PJA2: variants seen among roughly 807,000 people sequenced by gnomAD.
PJA2 encodes E3 ubiquitin-protein ligase Praja-2.
A neutral mutation model predicts 69.3 loss-of-function variants in PJA2; 25 were observed. The observed-to-expected ratio is 0.36, with a 90% CI of 0.26 to 0.50. PJA2 has a LOEUF of 0.50. Among genes scored for constraint, PJA2 ranks in the 20% least tolerant of loss-of-function variants. The probability of loss-of-function intolerance (pLI) is 0.96; values close to 1 mark genes in which losing one functional copy is unlikely to be tolerated. For synonymous variants in PJA2, 308 were observed against 277.8 expected (o/e 1.11, Z -1.08); for missense variants, 809 against 830.2 (o/e 0.97, Z 0.31).
intron 5 of PJA2, among the ~76,000 whole-genome samples, chr5:109,365,457 G>A (rs1454776240): frequency 2.0e-5 from 3 of 152,084 alleles, no homozygotes; most frequent in Admixed American, 6.6e-5. Flanking sequence ...GAAATGGAAC[G>A]TGTACACATA....
At chr5:109,360,806 A>T (rs541470917) in intron 6 of PJA2, among the ~76,000 whole-genome samples, 2 of 152,220 alleles carry the variant, frequency 1.3e-5, no homozygotes, top group Non-Finnish European at 2.9e-5. Context: ...TAGAACCTAA[A>T]GTAACAGTTT....
At chr5:109,406,039 CAT>C (rs1491569891) in intron 1 of PJA2, among the ~76,000 whole-genome samples, 1 of 135,952 alleles carries the variant, frequency 7.4e-6, no homozygotes, top group African/African-American at 2.8e-5. Flanking sequence ...AAGACAAACC[CAT>C]TTTTTTTTTT....
intron 9 of PJA2, among the ~76,000 whole-genome samples, chr5:109,341,045 C>T (rs1385256908): frequency 6.9e-6 from 1 of 145,472 alleles, no homozygotes; most frequent in Non-Finnish European, 1.5e-5. Context: ...AGATTGCAGC[C>T]TCTGCCCGGC....
intron 6 of PJA2, among the ~76,000 whole-genome samples, chr5:109,358,500 G>T (rs1378693758): frequency 6.6e-6 from 1 of 152,194 alleles, no homozygotes; most frequent in Non-Finnish European, 1.5e-5. Flanking sequence ...ATTTCTGTGT[G>T]TGTGTCTTTA....
Position 109,398,976 on chromosome 5 carries a change from C to T in PJA2, c.-88+10866G>A, listed in dbSNP as rs187403951. Among the ~76,000 whole-genome samples, 16 of 152,104 alleles carry T rather than the reference C, an allele frequency of 1.1e-4. No individual in the cohort carries two copies. In the East Asian group the frequency reaches 3.1e-3, roughly 29 times the overall value. The stretch of plus-strand genomic sequence containing the variant: ...CTTGTAATCCCAGCACTTTGGGAGG[C>T]CAAGGTGGGAGGATCACCTGAGGTC... On this transcript the variant is annotated intron_variant, in intron 1 of 9. Coordinates refer to ENST00000361189, the MANE Select transcript of PJA2 (RefSeq NM_014819.5).
At position 109,354,405 on chromosome 5, in the gene PJA2, A is replaced by G. The variant is rs371360471; in HGVS notation, c.1764+1510T>C. ...TTAGATATCTCTGATATCTAGAGAT[A>G]TCTATAGATTAGATATCTATGATAT... On this transcript the variant is annotated intron_variant, in intron 7 of 9. Transcript: ENST00000361189. 1.3e-4 allele frequency among the ~76,000 whole-genome samples: 18 copies of G among 140,890 alleles called. 1 individual carries two copies. The East Asian group carries it at 2.2e-3, about 17-fold the overall frequency. The allele number at this position is 140,890 out of a possible 152,430, so 92.4% of individuals were successfully genotyped here.
intron 1 of PJA2, among the ~76,000 whole-genome samples, chr5:109,397,968 A>T (rs1747456532): frequency 6.6e-6 from 1 of 152,244 alleles, no homozygotes. Flanking sequence ...AGAAAAAAAC[A>T]ACCCCATCAA....
Position 109,381,508 on chromosome 5 carries a change from G to T in PJA2, c.227C>A (p.Ser76Tyr). ...AATAATTAAATGTTACACACCTGAG[G>T]AATTTTCCTTTGGAACATCATCTAG... ...LELDDVPKEN[S>Y]SGSSPLDQVD... Residue 76 changes from serine to tyrosine, a missense_variant, in exon 3 of 10, where the codon TCC (serine) becomes TAC (tyrosine). Transcript: ENST00000361189. The T allele has an allele frequency of 3.7e-6, 6 of 1,613,506 alleles. No individual in the cohort carries two copies. The Middle Eastern group carries it at 5.0e-4, about 133-fold the overall frequency.
rs199985850 is a variant in PJA2 at position 109,360,782 on chromosome 5, GATC to G, written c.1652+2055_1652+2057del. 5.8e-3 allele frequency among the ~76,000 whole-genome samples: 885 copies of G among 152,284 alleles called. 13 individuals carry two copies. The highest frequency in any genetic ancestry group is 0.02 in the African/African-American group (846 of 41,538). On this transcript the variant is annotated intron_variant, in intron 6 of 9. Transcript: ENST00000361189. ...TTAACACAACAGCCATATCTAGAAA[GATC>G]ATCAGTGAATTAGAACCTAAAGTAA...
intron 1 of PJA2, among the ~76,000 whole-genome samples, chr5:109,405,199 T>C (rs1747655598): frequency 6.6e-6 from 1 of 152,234 alleles, no homozygotes; most frequent in East Asian, 1.9e-4. Context: ...ATGGTATCAA[T>C]TATTAAATAC....
Position 109,368,894 on chromosome 5 carries a change from G to A in PJA2, c.1284-148C>T, listed in dbSNP as rs113675946. The A allele has an allele frequency of 2.4e-3, 1,736 of 730,746 alleles. 18 individuals carry two copies. In the African/African-American group the frequency reaches 0.025, roughly 11 times the overall value. 45.3% of individuals were successfully genotyped at this position (730,746 alleles called of 1,614,324 possible). On this transcript the variant is annotated intron_variant, in intron 4 of 9. Coordinates refer to ENST00000361189, the MANE Select transcript of PJA2 (RefSeq NM_014819.5). ...CAAAATGTTGGAGATGGGGCCTGGT[G>A]GGAGGTGACTGCATCATGGGGGTGT...
intron 9 of PJA2, among the ~76,000 whole-genome samples, chr5:109,343,354 A>T (rs1394129435): frequency 1.2e-4 from 2 of 16,154 alleles, no homozygotes; most frequent in Non-Finnish European, 3.7e-4. Context: ...GTACCATAAA[A>T]AAAAAAAAAA....
chr5:109,367,129 G>A (rs1042215737), intron 5 of PJA2, among the ~76,000 whole-genome samples: 2 of 119,656 alleles, frequency 1.7e-5, no homozygotes, highest in Admixed American at 8.3e-5. Flanking sequence ...GCAAGACTCC[G>A]TCTCAAAAAA....
chr5:109,339,349 T>C (rs566991443), intron 9 of PJA2, among the ~76,000 whole-genome samples: 72 of 152,300 alleles, frequency 4.7e-4, no homozygotes, highest in African/African-American at 1.7e-3. Flanking sequence ...ATGTATGTTA[T>C]CCAGGTGATG....
chr5:109,367,054 C>A (rs1582603809), intron 5 of PJA2, among the ~76,000 whole-genome samples: 2 of 151,146 alleles, frequency 1.3e-5, no homozygotes, highest in East Asian at 3.9e-4. Flanking sequence ...ATCACTTGAA[C>A]CTGGGAGATG....
intron 4 of PJA2, among the ~76,000 whole-genome samples, chr5:109,372,819 C>T (rs983074374): frequency 4.9e-5 from 7 of 143,434 alleles, no homozygotes; most frequent in Non-Finnish European, 7.5e-5. Flanking sequence ...GCAGGAGAAT[C>T]GCTTGAACCT....
rs528408590 is a variant in PJA2, at chr5:109,372,905, CAAA to C, written c.1284-4162_1284-4160del. 1.7e-3 allele frequency among the ~76,000 whole-genome samples: 61 copies of C among 35,706 alleles called. 1 individual carries two copies. The highest frequency in any genetic ancestry group is 6.2e-3 in the East Asian group (6 of 964). 23.4% of individuals were successfully genotyped at this position (35,706 alleles called of 152,430 possible). A position where few individuals can be genotyped will look rare whatever the true frequency, so the allele number is the denominator to read the frequency against. ...TGGCAACTAGAGCAACACTCCGTCT[CAAA>C]AAAAAAAAAAAAAAAAAAGAAAGAA... On this transcript the variant is annotated intron_variant, in intron 4 of 9. Coordinates refer to ENST00000361189, the MANE Select transcript of PJA2 (RefSeq NM_014819.5).
intron 1 of PJA2, among the ~76,000 whole-genome samples, chr5:109,384,159 G>A (rs1047127466): frequency 6.6e-6 from 1 of 152,150 alleles, no homozygotes; most frequent in African/African-American, 2.4e-5. Flanking sequence ...AACTATTTGG[G>A]AGTCTACTAC....
intron 1 of PJA2, among the ~76,000 whole-genome samples, chr5:109,393,939 G>A (rs917336084): frequency 6.6e-6 from 1 of 151,332 alleles, no homozygotes; most frequent in Non-Finnish European, 1.5e-5. Flanking sequence ...CATACCAAGA[G>A]AGAATAATCA....
Sources: gnomAD v4.1 joint callset for allele counts (sites outside exome capture counted in the v4.1 genomes callset) on GRCh38, gnomAD v4.1.1 for gene constraint, MANE v1.5 for transcripts, NCBI Gene and HGNC (gene_info 2026-07-23, HGNC 2026-07-21) for gene names.